The following PDE6C variants were observed in gnomAD, a reference collection of about 807,000 sequenced individuals.
PDE6C encodes cone cGMP-specific 3',5'-cyclic phosphodiesterase subunit alpha'.
PDE6C carries 75 observed loss-of-function variants against 113.1 expected under a neutral mutation model. The observed-to-expected ratio is 0.66, with a 90% CI of 0.55 to 0.80. The LOEUF is 0.80. PDE6C is among the 30% of genes least tolerant of loss of function. The pLI is 0.00. For missense variants in PDE6C, 912 were observed against 1,038.6 expected, an observed-to-expected ratio of 0.88 and a Z score of 1.67; for synonymous variants, 375 against 363.7, an observed-to-expected ratio of 1.03 and a Z score of -0.35.
rs143619428 is a variant in PDE6C, at chr10:93,613,040, C to T, written c.315C>T (p.Asn105=). The change falls in exon 1 of 22, where the codon AAC becomes AAT. Residue 105 remains asparagine (N), a synonymous_variant. Coordinates refer to ENST00000371447, the MANE Select transcript of PDE6C (RefSeq NM_006204.4). ...GCATGTTCCTGTGCCGGTCCCGGAA[C>T]GGCATACCTGAGGTGGCCTCTAGGT... is the stretch of plus-strand genomic sequence containing the variant. The part of the protein sequence containing the change: ...RCSMFLCRSR[N]GIPEVASRLL... 1.8e-4 allele frequency: 289 copies of T among 1,614,182 alleles called. No homozygotes were observed. The African/African-American group carries it at 3.2e-3, about 18-fold the overall frequency.
At chr10:93,630,914 G>C (rs1162673217) in intron 8 of PDE6C, among the ~76,000 whole-genome samples, 1 of 152,182 alleles carries the variant, frequency 6.6e-6, no homozygotes, top group African/African-American at 2.4e-5. Context: ...CTGTGCCCAG[G>C]CCTGACCCCT....
At chr10:93,656,655 G>A (rs991572256) in intron 16 of PDE6C, among the ~76,000 whole-genome samples, 3 of 151,482 alleles carry the variant, frequency 2.0e-5, no homozygotes, top group Admixed American at 6.6e-5. Context: ...CTGCAATCTC[G>A]GCCTCCAAGG....
chr10:93,654,810 C>CTTTTTTTTTTTTT (rs57025205), intron 15 of PDE6C, among the ~76,000 whole-genome samples: 1 of 77,116 alleles, frequency 1.3e-5, no homozygotes, highest in Non-Finnish European at 2.5e-5. Flanking sequence ...TTCTTTCTTT[C>CTTTTTTTTTTTTT]TTTTTTTTTT....
At chr10:93,664,553 T>C (rs74843402) in intron 21 of PDE6C, among the ~76,000 whole-genome samples, 2,731 of 152,296 alleles carry the variant, frequency 0.018, 32 homozygotes, top group Middle Eastern at 0.058. Flanking sequence ...CAATAAGTGA[T>C]TTTTACCAAG....
At position 93,620,925 on chromosome 10, in the gene PDE6C, T is replaced by A; in HGVS notation, c.668T>A (p.Ile223Asn). Reference sequence around the variant, plus strand: ...AAATACCTCAACTTTGTGTCTATCATCCTAAGGCTTCATCACACCAGCTAC... The same window carrying A: ...AAATACCTCAACTTTGTGTCTATCAACCTAAGGCTTCATCACACCAGCTAC... ...FSKYLNFVSI[I>N]LRLHHTSYMY... Residue 223 changes from isoleucine (I) to asparagine (N), a missense_variant, in exon 3 of 22, where the codon ATC becomes AAC. Ile to Asn is a moderately radical substitution (Grantham distance 149). Transcript: ENST00000371447. The A allele has an allele frequency of 6.2e-7, 1 of 1,614,084 alleles. No homozygotes were observed. Among genetic ancestry groups the A allele is most frequent in the South Asian group, 1.1e-5 (1 of 91,080 alleles).
intron 15 of PDE6C, among the ~76,000 whole-genome samples, chr10:93,654,264 C>A (rs2058622307): frequency 6.6e-6 from 1 of 152,174 alleles, no homozygotes; most frequent in Non-Finnish European, 1.5e-5. Context: ...TAGGATTATA[C>A]CACTGCCAAA....
In PDE6C at chr10:93,612,601, A is replaced by G. The variant is rs1564793855; in HGVS notation, c.-125A>G. On this transcript the variant is annotated 5_prime_UTR_variant, in exon 1 of 22. An upstream start codon of the reference 5' UTR is lost. Transcript: ENST00000371447. ...TTTCTGCTTGACCTTTGGAAGTCCTATGAGGGACCATTTACGGTTTCCTCA... is the reference window on the plus strand; with the variant it reads ...TTTCTGCTTGACCTTTGGAAGTCCTGTGAGGGACCATTTACGGTTTCCTCA... 2.3e-6 allele frequency: 3 copies of G among 1,327,356 alleles called. No individual in the cohort carries two copies. The highest frequency in any genetic ancestry group is 2.3e-5 in the East Asian group (1 of 43,536). 82.2% of individuals were successfully genotyped at this position (1,327,356 alleles called of 1,614,324 possible).
In PDE6C at chr10:93,648,841, CT is replaced by C. The variant is rs2058596220; in HGVS notation, c.1935+2797del. Among the ~76,000 whole-genome samples, 6 of 152,358 alleles carry C rather than the reference CT, an allele frequency of 3.9e-5. No individual in the cohort carries two copies. The South Asian group carries it at 1.2e-3, about 32-fold the overall frequency. On this transcript the variant is annotated intron_variant, in intron 15 of 21. Transcript: ENST00000371447. ...AATCTTGTTATTATTCAGAACATCT[CT>C]TTCCAAAGCGTATGATAATTTTATT...
intron 10 of PDE6C, among the ~76,000 whole-genome samples, chr10:93,636,624 T>A (rs1439920506): frequency 6.6e-6 from 1 of 152,114 alleles, no homozygotes; most frequent in Non-Finnish European, 1.5e-5. Flanking sequence ...AAAAACCAGC[T>A]ACTGTAATCA....
rs1243366457 is a variant in PDE6C at position 93,612,675 on chromosome 10, G to A, written c.-51G>A. ...CCTTCTCATCACTCTGCCTCAGGTAGTGCTCTGAAGGTCGTCCTTTCTGAA... is the reference window on the plus strand; with the variant it reads ...CCTTCTCATCACTCTGCCTCAGGTAATGCTCTGAAGGTCGTCCTTTCTGAA... On this transcript the variant is annotated 5_prime_UTR_variant, in exon 1 of 22. The change creates a new upstream start codon in the 5' untranslated region. Transcript: ENST00000371447. The A allele has an allele frequency of 6.2e-7, 1 of 1,611,460 alleles. No individual in the cohort carries two copies. Among genetic ancestry groups the A allele is most frequent in the Non-Finnish European group, 8.5e-7 (1 of 1,179,790 alleles).
chr10:93,652,847 A>T (rs2058615596), intron 15 of PDE6C, among the ~76,000 whole-genome samples: 1 of 152,194 alleles, frequency 6.6e-6, no homozygotes, highest in Non-Finnish European at 1.5e-5. Flanking sequence ...GCACAATCTG[A>T]CACTTGGTAG....
intron 8 of PDE6C, among the ~76,000 whole-genome samples, chr10:93,633,141 G>A (rs2058509809): frequency 6.6e-6 from 1 of 152,036 alleles, no homozygotes; most frequent in African/African-American, 2.4e-5. Context: ...AACTTCAGAG[G>A]GCATCAGAAT....
At position 93,640,541 on chromosome 10, in the gene PDE6C, T is replaced by A; in HGVS notation, c.1721T>A (p.Met574Lys). Residue 574 changes from methionine (M) to lysine (K), a missense_variant, in exon 13 of 22, where the codon ATG becomes AAG. By Grantham distance (95) the Met-to-Lys change is moderately conservative. Transcript: ENST00000371447. The part of the protein sequence containing the change: ...WRHGFNVGQT[M>K]FTLLMTGRLK... ...CATGGGTTCAACGTGGGGCAGACCA[T>A]GTTTACTTTGCTGATGGTAGGTACA... The A allele has an allele frequency of 6.2e-7, 1 of 1,611,740 alleles. No homozygotes were observed. The highest frequency in any genetic ancestry group is 8.5e-7 in the Non-Finnish European group (1 of 1,177,826).
At chr10:93,652,070 A>G (rs1040334659) in intron 15 of PDE6C, among the ~76,000 whole-genome samples, 3 of 152,102 alleles carry the variant, frequency 2.0e-5, no homozygotes, top group African/African-American at 7.2e-5. Context: ...TGTTCCAAAG[A>G]GGATTTGATG....
At chr10:93,613,556 A>G (rs1216225477) in intron 1 of PDE6C, among the ~76,000 whole-genome samples, 3 of 152,182 alleles carry the variant, frequency 2.0e-5, no homozygotes, top group African/African-American at 7.2e-5. Context: ...CCTTCTCAGC[A>G]ACACCAGCAA....
In PDE6C at chr10:93,613,188, G is replaced by A. The variant is rs1346429453; in HGVS notation, c.463G>A (p.Val155Ile). ...TGCTCACACGAAGAAAACTCATAAT[G>A]TCCCAGATGTGAAAAAGGTAGGTGG... ...WAAHTKKTHN[V>I]PDVKKNSHFS... The change falls in exon 1 of 22, where the codon GTC becomes ATC. Residue 155 changes from valine to isoleucine, a missense_variant. Coordinates refer to ENST00000371447, the MANE Select transcript of PDE6C (RefSeq NM_006204.4). 2 of 1,613,738 alleles carry A rather than the reference G, an allele frequency of 1.2e-6. No homozygotes were observed. The highest frequency in any genetic ancestry group is 2.2e-5 in the East Asian group (1 of 44,876).
intron 16 of PDE6C, among the ~76,000 whole-genome samples, chr10:93,657,235 C>T (rs750632819): frequency 6.6e-6 from 1 of 151,690 alleles, no homozygotes; most frequent in Non-Finnish European, 1.5e-5. Context: ...AATCTCGGCT[C>T]ACTGTAATCT....
At chr10:93,655,624 AAAAAG>A (rs1165196749) in intron 15 of PDE6C, 131 bp from the exon 16 acceptor site, 4 of 551,040 alleles carry the variant, frequency 7.3e-6, no homozygotes, top group African/African-American at 5.8e-5. Flanking sequence ...AAAAAAAAAA[AAAAAG>A]GAAGGAAAAC....
Position 93,640,948 on chromosome 10 carries a change from A to C in PDE6C, c.1766A>C (p.Asp589Ala). The C allele has an allele frequency of 6.2e-7, 1 of 1,611,618 alleles. No homozygotes were observed. Among genetic ancestry groups the C allele is most frequent in the Non-Finnish European group, 8.5e-7 (1 of 1,177,744 alleles). The part of the protein sequence containing the change: ...MTGRLKKYYT[D>A]LEAFAMLAAA... ...GGAAGATTAAAGAAGTACTACACAG[A>C]TCTCGAAGCCTTTGCCATGCTTGCT... Residue 589 changes from aspartate to alanine, a missense_variant, in exon 14 of 22, where the codon GAT becomes GCT. Transcript: ENST00000371447.
Sources: gnomAD v4.1 joint callset for allele counts (sites outside exome capture counted in the v4.1 genomes callset) on GRCh38, gnomAD v4.1.1 for gene constraint, MANE v1.5 for transcripts, NCBI Gene and HGNC (gene_info 2026-07-23, HGNC 2026-07-21) for gene names.